HBS1L: variants seen among roughly 807,000 people sequenced by gnomAD.
The protein encoded by HBS1L is HBS1 like translational GTPase.
A neutral mutation model predicts 88.9 loss-of-function variants in HBS1L; 55 were observed. The ratio of observed to expected loss-of-function variants is 0.62; its 90% CI spans 0.50 to 0.77. The LOEUF is 0.77. Among genes scored for constraint, HBS1L ranks in the 30% least tolerant of loss-of-function variants. The pLI, the probability that HBS1L is intolerant of heterozygous loss-of-function variation, is 0.00. For synonymous variants in HBS1L, 267 were observed against 288.5 expected (o/e 0.93, Z 0.76); for missense variants, 741 against 829.3 (o/e 0.89, Z 1.31).
intron 4 of HBS1L, chr6:135,026,811 G>A (rs1203050264): frequency 6.6e-6 from 1 of 151,022 alleles, no homozygotes; most frequent in Non-Finnish European, 1.5e-5. Context: ...AACTCTCCAG[G>A]CAATATGAAA....
At chr6:134,968,372 C>T (rs1008435765) in intron 16 of HBS1L, among the ~76,000 whole-genome samples, 1 of 152,034 alleles carries the variant, frequency 6.6e-6, no homozygotes, top group African/African-American at 2.4e-5. Context: ...CCTCAGCCTC[C>T]TGAGTAGCTG....
In HBS1L at chr6:135,051,651, C is replaced by T. The variant is rs924737365; in HGVS notation, c.44-1004G>A. On this transcript the variant is annotated intron_variant, in intron 1 of 17. Transcript: ENST00000367837. ...CACTTACCCAATTTACAGAGCGCTA[C>T]GCCTGTTCACTACATGAGACTATCA... Among the ~76,000 whole-genome samples the T allele has an allele frequency of 7.9e-5, 12 of 152,308 alleles. No homozygotes were observed. The East Asian group carries it at 1.2e-3, about 15-fold the overall frequency.
chr6:134,997,772 A>G, intron 5 of HBS1L, 116 bp from the exon 6 acceptor site: 2 of 966,668 alleles, frequency 2.1e-6, no homozygotes, highest in South Asian at 1.5e-5. Flanking sequence ...ACCAGAAATA[A>G]TCTCTGCTAA....
intron 3 of HBS1L, among the ~76,000 whole-genome samples, chr6:135,041,181 C>T (rs1032424900): frequency 1.3e-5 from 2 of 151,640 alleles, no homozygotes; most frequent in African/African-American, 2.4e-5. Flanking sequence ...CTTTCATTGG[C>T]CCATTAATTA....
At chr6:135,015,901 TCCAGACGGAGTC>T (rs1775908498) in intron 4 of HBS1L, among the ~76,000 whole-genome samples, 2 of 137,062 alleles carry the variant, frequency 1.5e-5, no homozygotes, top group Non-Finnish European at 1.6e-5. Context: ...TTTTTTTTTT[TCCAGACGGAGTC>T]TTGTTCTGTT....
At chr6:134,995,083 TC>T (rs1410165489) in intron 7 of HBS1L, among the ~76,000 whole-genome samples, 1 of 120,406 alleles carries the variant, frequency 8.3e-6, no homozygotes, top group Non-Finnish European at 1.9e-5. Context: ...CTTTAATAAT[TC>T]CCAAATACTC....
intron 4 of HBS1L, among the ~76,000 whole-genome samples, chr6:135,008,073 G>A (rs1775662859): frequency 6.6e-6 from 1 of 152,122 alleles, no homozygotes; most frequent in Non-Finnish European, 1.5e-5. Context: ...AGCCCACTAT[G>A]AGATAAAAAT....
intron 8 of HBS1L, among the ~76,000 whole-genome samples, chr6:134,989,937 T>A (rs1309780098): frequency 6.6e-6 from 1 of 152,182 alleles, no homozygotes; most frequent in Non-Finnish European, 1.5e-5. Context: ...TTGTCTAACC[T>A]CTCTGTGTTA....
intron 1 of HBS1L, among the ~76,000 whole-genome samples, chr6:135,051,379 G>GT (rs1777079136): frequency 6.6e-6 from 1 of 152,114 alleles, no homozygotes; most frequent in Non-Finnish European, 1.5e-5. Context: ...CATGAAAGTA[G>GT]TATTTCTTTA....
intron 4 of HBS1L, chr6:135,037,496 T>C: frequency 1.9e-6 from 3 of 1,549,364 alleles, no homozygotes; most frequent in Non-Finnish European, 2.6e-6. Context: ...AAAGGATTAT[T>C]TGAACTTCCT....
At chr6:134,978,821 T>C (rs13214669) in intron 14 of HBS1L, 34 bp from the exon 15 acceptor site, 466,420 of 1,307,966 alleles carry the variant, frequency 0.36, 84,964 homozygotes, top group Non-Finnish European at 0.38. Context: ...GAAAGGTAAT[T>C]GGGGGACAAA....
intron 4 of HBS1L, among the ~76,000 whole-genome samples, chr6:135,031,028 GTTTTGTACTTTTTGTTGGTAA>G (rs898769194): frequency 6.6e-6 from 1 of 152,046 alleles, no homozygotes; most frequent in East Asian, 1.9e-4. Context: ...ATTTTTTCCA[GTTTTGTACTTTTTGTTGGTAA>G]TTTTGTACTT....
In HBS1L at chr6:134,964,352, T is replaced by G. The variant is rs1774251269; in HGVS notation, c.*927A>C. The G allele has an allele frequency of 6.6e-6, 1 of 152,110 alleles. No individual in the cohort carries two copies. Among genetic ancestry groups the G allele is most frequent in the Admixed American group, 6.6e-5 (1 of 15,262 alleles). The allele number at this position is 152,110 out of a possible 1,614,324, so 9.4% of individuals were successfully genotyped here. A position where few individuals can be genotyped will look rare whatever the true frequency, so the allele number is the denominator to read the frequency against. ...GTTGTTGAAACTTTAAAGAAAAACATGACTCTTACTTACTCACAGGGGACT... is the reference window on the plus strand; with the variant it reads ...GTTGTTGAAACTTTAAAGAAAAACAGGACTCTTACTTACTCACAGGGGACT... On this transcript the variant is annotated 3_prime_UTR_variant, in exon 18 of 18. Coordinates refer to ENST00000367837, the MANE Select transcript of HBS1L (RefSeq NM_006620.4).
chr6:135,010,746 ATGT>A (rs746562877), intron 4 of HBS1L, among the ~76,000 whole-genome samples: 136 of 152,184 alleles, frequency 8.9e-4, no homozygotes, highest in Non-Finnish European at 1.7e-3. Flanking sequence ...TGCCAAGTTG[ATGT>A]TGAAGTTCAT....
intron 3 of HBS1L, among the ~76,000 whole-genome samples, chr6:135,040,403 T>G (rs534809381): frequency 7.0e-6 from 1 of 143,374 alleles, no homozygotes; most frequent in South Asian, 2.3e-4. Flanking sequence ...CAGGCTGGAA[T>G]GCCAGTGGCG....
chr6:135,009,888 C>T (rs1241703639), intron 4 of HBS1L, among the ~76,000 whole-genome samples: 1 of 152,020 alleles, frequency 6.6e-6, no homozygotes, highest in Non-Finnish European at 1.5e-5. Flanking sequence ...CCTCGGCCTC[C>T]CAACGTGCTG....
In HBS1L at chr6:134,981,031, T is replaced by C. The variant is rs1411555053; in HGVS notation, c.1597+1427A>G. On this transcript the variant is annotated intron_variant, in intron 13 of 17. Transcript: ENST00000367837. ...CTTACACTGATAAAAGATAATACTT[T>C]AGAGTTTCTCTGTGTGGAAAGTACA... 2.0e-5 allele frequency among the ~76,000 whole-genome samples: 3 copies of C among 152,038 alleles called. No homozygotes were observed. The East Asian group carries it at 5.8e-4, about 29-fold the overall frequency.
chr6:135,036,638 T>C (rs1333023020), intron 4 of HBS1L: 9 of 1,549,828 alleles, frequency 5.8e-6, no homozygotes, highest in South Asian at 4.8e-5. Flanking sequence ...AATGGTGTTA[T>C]TGCTACAAGT....
At chr6:135,042,181 T>A (rs2114910273) in intron 2 of HBS1L, 55 bp from the exon 3 acceptor site, 7 of 1,483,418 alleles carry the variant, frequency 4.7e-6, no homozygotes, top group East Asian at 4.6e-5. Flanking sequence ...CTATTAACTT[T>A]TTTTTACAAA....
Sources: gnomAD v4.1 joint callset for allele counts (sites outside exome capture counted in the v4.1 genomes callset) on GRCh38, gnomAD v4.1.1 for gene constraint, MANE v1.5 for transcripts, NCBI Gene and HGNC (gene_info 2026-07-23, HGNC 2026-07-21) for gene names.